GRID2: variants seen among roughly 807,000 people sequenced by gnomAD.
GRID2 encodes glutamate receptor ionotropic, delta-2.
Under a neutral mutation model 114.8 loss-of-function variants are expected in GRID2, and 33 were observed. The ratio of observed to expected loss-of-function variants is 0.29; its 90% confidence interval spans 0.22 to 0.38. The LOEUF is 0.38. Among genes scored for constraint, GRID2 ranks in the 10% least tolerant of loss-of-function variants. GRID2 has a pLI of 1.00. For missense variants in GRID2, 1,184 were observed against 1,257.7 expected, an observed-to-expected ratio of 0.94 and a Z score of 0.89; for synonymous variants, 505 against 449.9, an observed-to-expected ratio of 1.12 and a Z score of -1.55.
chr4:92,362,754 A>G (rs1218922139), intron 1 of GRID2, among the ~76,000 whole-genome samples: 1 of 152,070 alleles, frequency 6.6e-6, no homozygotes, highest in Admixed American at 6.6e-5. Context: ...GAAACCAAAC[A>G]CATTGTACTC....
At chr4:92,588,817 T>C (rs1386805938) in intron 1 of GRID2, among the ~76,000 whole-genome samples, 1 of 151,640 alleles carries the variant, frequency 6.6e-6, no homozygotes, top group Non-Finnish European at 1.5e-5. Flanking sequence ...AAAAGAGCAG[T>C]GATGGCCAGG....
At chr4:92,606,794 A>C (rs549225894) in intron 2 of GRID2, among the ~76,000 whole-genome samples, 1 of 152,108 alleles carries the variant, frequency 6.6e-6, no homozygotes, top group African/African-American at 2.4e-5. Context: ...CAACATCATT[A>C]TTTAACTCAT....
At chr4:93,622,622 G>T (rs945147696) in intron 13 of GRID2, among the ~76,000 whole-genome samples, 5 of 152,120 alleles carry the variant, frequency 3.3e-5, no homozygotes, top group Admixed American at 6.5e-5. Context: ...AGTAATACTT[G>T]AATTAAATGC....
chr4:92,411,896 G>A (rs1731352668), intron 1 of GRID2, among the ~76,000 whole-genome samples: 1 of 151,406 alleles, frequency 6.6e-6, no homozygotes, highest in Admixed American at 6.6e-5. Context: ...TAGTAGATAC[G>A]GGGTTTCACT....
chr4:92,899,659 A>T (rs1361630900), intron 2 of GRID2, among the ~76,000 whole-genome samples: 1 of 152,210 alleles, frequency 6.6e-6, no homozygotes, highest in South Asian at 2.1e-4. Context: ...TCTTCAGACC[A>T]AAAAATAAGC....
intron 1 of GRID2, among the ~76,000 whole-genome samples, chr4:92,467,007 CAAAT>C (rs1363213044): frequency 2.6e-5 from 4 of 151,616 alleles, no homozygotes; most frequent in Non-Finnish European, 5.9e-5. Flanking sequence ...GATAATTCTT[CAAAT>C]AAATACTCTC....
chr4:93,507,199 G>A (rs956018958), intron 12 of GRID2, among the ~76,000 whole-genome samples: 1 of 152,070 alleles, frequency 6.6e-6, no homozygotes, highest in Admixed American at 6.6e-5. Context: ...AAAACATCAG[G>A]AGTCCTTTTT....
intron 8 of GRID2, among the ~76,000 whole-genome samples, chr4:93,353,185 A>G (rs1414371247): frequency 6.6e-6 from 1 of 152,054 alleles, no homozygotes; most frequent in Non-Finnish European, 1.5e-5. Context: ...CATGGTTCAT[A>G]CATAAGAAGA....
At chr4:93,529,828 A>C (rs573372994) in intron 13 of GRID2, among the ~76,000 whole-genome samples, 1 of 152,262 alleles carries the variant, frequency 6.6e-6, no homozygotes, top group African/African-American at 2.4e-5. Flanking sequence ...TTTACATTTT[A>C]GGAACAAAAC....
At chr4:92,704,707 C>CTCTCTCTCTCTCTCTT (rs1734858399) in intron 2 of GRID2, among the ~76,000 whole-genome samples, 1 of 146,984 alleles carries the variant, frequency 6.8e-6, no homozygotes, top group Non-Finnish European at 1.5e-5. Flanking sequence ...ATCAATCTCT[C>CTCTCTCTCTCTCTCTT]TCTCTCTCTC....
chr4:93,291,099 G>A (rs1161405446), intron 8 of GRID2, among the ~76,000 whole-genome samples: 1 of 151,644 alleles, frequency 6.6e-6, no homozygotes, highest in African/African-American at 2.4e-5. Context: ...GGATGGTCTC[G>A]ATATCCTGGC....
At chr4:93,514,422 T>TACACACACACACACACACACACAC (rs56718347) in intron 12 of GRID2, among the ~76,000 whole-genome samples, 1 of 139,662 alleles carries the variant, frequency 7.2e-6, no homozygotes, top group African/African-American at 2.7e-5. Context: ...ACCTCCACAG[T>TACACACACACACACACACACACAC]ACACACACAC....
intron 2 of GRID2, 54 bp downstream of exon 2, chr4:92,590,340 A>T: frequency 8.0e-7 from 1 of 1,250,676 alleles, no homozygotes. Context: ...GTGGCAATGA[A>T]ATTATCTTTG....
intron 8 of GRID2, among the ~76,000 whole-genome samples, chr4:93,384,809 A>T (rs1231805987): frequency 1.3e-5 from 2 of 152,086 alleles, no homozygotes; most frequent in African/African-American, 4.8e-5. Flanking sequence ...AATACGCCTG[A>T]CTTTCTCATG....
chr4:93,444,890 G>T (rs1210964640), intron 10 of GRID2, among the ~76,000 whole-genome samples: 2 of 151,900 alleles, frequency 1.3e-5, no homozygotes, highest in Non-Finnish European at 2.9e-5. Context: ...TCAAAACAGT[G>T]TTTACATATG....
intron 10 of GRID2, among the ~76,000 whole-genome samples, chr4:93,438,498 G>A (rs1193303872): frequency 6.6e-6 from 1 of 152,006 alleles, no homozygotes; most frequent in Middle Eastern, 3.2e-3. Flanking sequence ...AGAAAAATGT[G>A]ATTTAACTTA....
chr4:92,412,095 T>C (rs1037976979), intron 1 of GRID2, among the ~76,000 whole-genome samples: 4 of 151,450 alleles, frequency 2.6e-5, no homozygotes, highest in African/African-American at 9.7e-5. Context: ...TTAATTGCAA[T>C]TATATATCGT....
chr4:92,345,231 T>C (rs1053393600), intron 1 of GRID2, among the ~76,000 whole-genome samples: 2 of 152,232 alleles, frequency 1.3e-5, no homozygotes, highest in Non-Finnish European at 2.9e-5. Flanking sequence ...ATACCCGAGC[T>C]ACTTCACTTA....
chr4:93,030,655 G>A (rs920310625), intron 2 of GRID2, among the ~76,000 whole-genome samples: 4 of 152,158 alleles, frequency 2.6e-5, no homozygotes, highest in African/African-American at 9.7e-5. Context: ...AAAGTGCGGG[G>A]ATTACAGGTG....
Sources: allele counts gnomAD v4.1 joint callset (sites outside exome capture counted in the v4.1 genomes callset), GRCh38; gene constraint gnomAD v4.1.1; transcripts MANE v1.5; gene names NCBI Gene and HGNC (gene_info 2026-07-23, HGNC 2026-07-21).